CACNA1D: variants seen among roughly 807,000 people sequenced by gnomAD.
CACNA1D encodes the protein voltage-dependent L-type calcium channel subunit alpha-1D.
Under a neutral mutation model 257.1 loss-of-function variants are expected in CACNA1D, and 55 were observed. That is an observed-to-expected ratio of 0.21 (90% CI 0.17 to 0.27). The LOEUF is 0.27. CACNA1D is among the 10% of genes least tolerant of loss of function. The probability of loss-of-function intolerance (pLI) is 1.00; values close to 1 mark genes in which losing one functional copy is unlikely to be tolerated. For missense variants in CACNA1D, 1,876 were observed against 2,784.0 expected, an observed-to-expected ratio of 0.67 and a Z score of 7.34; for synonymous variants, 980 against 1,014.9, an observed-to-expected ratio of 0.97 and a Z score of 0.65.
rs779179510 is a variant in CACNA1D, at chr3:53,800,313, A to G, written c.4988A>G (p.Gln1663Arg). 1 of 1,614,092 alleles carries G rather than the reference A, an allele frequency of 6.2e-7. No individual in the cohort carries two copies. Among genetic ancestry groups the G allele is most frequent in the Non-Finnish European group, 8.5e-7 (1 of 1,179,902 alleles). Reference protein sequence around the residue: ...EIRRAISCDLQDDEPEETKRE... With the variant: ...EIRRAISCDLRDDEPEETKRE... ...CGGCGTGCTATATCGTGTGATTTGC[A>G]AGATGACGAGCCTGAGGAAACAAAA... Residue 1663 changes from glutamine to arginine, a missense_variant, in exon 41 of 48, where the codon CAA (glutamine) becomes CGA (arginine). This residue lies in a region of CACNA1D where 160 missense variants were observed against 236.6 expected (regional missense o/e 0.68). Coordinates refer to ENST00000350061, the MANE Select transcript of CACNA1D (RefSeq NM_001128840.3). The surrounding 1 kb of genome is among the most constrained non-coding windows in gnomAD (Gnocchi z 4.3).
At position 53,812,586 on chromosome 3, in the gene CACNA1D, C is replaced by G. The variant is rs546151451; in HGVS notation, c.*1180C>G. 2.0e-5 allele frequency: 2 copies of G among 101,372 alleles called. No individual in the cohort carries two copies. The highest frequency in any genetic ancestry group is 2.4e-4 in the Admixed American group (2 of 8,452). The allele number at this position is 101,372 out of a possible 1,614,324, so 6.3% of individuals were successfully genotyped here. A position where few individuals can be genotyped will look rare whatever the true frequency, so the allele number is the denominator to read the frequency against. On this transcript the variant is annotated 3_prime_UTR_variant, in exon 48 of 48. Transcript: ENST00000350061. ...TTTTGTTTGTTTGACTTGAACCACCCTCTGGTAAGTAAGTAAGTGAATTAC... is the reference window on the plus strand; with the variant it reads ...TTTTGTTTGTTTGACTTGAACCACCGTCTGGTAAGTAAGTAAGTGAATTAC...
chr3:53,782,566 A>C (rs888843002), intron 39 of CACNA1D: 1 of 152,106 alleles, frequency 6.6e-6, no homozygotes, highest in African/African-American at 2.4e-5. Flanking sequence ...CAGGACGGTG[A>C]CCGAGGCCCT....
At chr3:53,757,116 C>T (rs1256575731) in intron 29 of CACNA1D, among the ~76,000 whole-genome samples, 1 of 152,204 alleles carries the variant, frequency 6.6e-6, no homozygotes, top group Non-Finnish European at 1.5e-5. Flanking sequence ...CATCTGCCTT[C>T]AAGGGCTCTG....
In CACNA1D at chr3:53,799,000, G is replaced by A. The variant is rs191414953; in HGVS notation, c.4924-1249G>A. Among the ~76,000 whole-genome samples the A allele has an allele frequency of 1.9e-3, 290 of 152,300 alleles. 1 individual carries two copies. The highest frequency in any genetic ancestry group is 3.4e-3 in the Middle Eastern group (1 of 294). On this transcript the variant is annotated intron_variant, in intron 40 of 47. Transcript: ENST00000350061. ...AGGACAGGGAAGCGGTCTCCTCTCCGAGGACCCACCACTTAGTCCAGTTTT... is the reference window on the plus strand; with the variant it reads ...AGGACAGGGAAGCGGTCTCCTCTCCAAGGACCCACCACTTAGTCCAGTTTT...
At chr3:53,615,624 G>A (rs774162870) in intron 3 of CACNA1D, among the ~76,000 whole-genome samples, 56 of 152,322 alleles carry the variant, frequency 3.7e-4, no homozygotes, top group Non-Finnish European at 7.6e-4. Context: ...TCTGTGCATT[G>A]TTTATTAGCG....
chr3:53,505,597 C>T (rs1386695805), intron 3 of CACNA1D, among the ~76,000 whole-genome samples: 3 of 152,182 alleles, frequency 2.0e-5, no homozygotes, highest in Non-Finnish European at 2.9e-5. Context: ...TCCTCTGAGC[C>T]ATGTTTCAGA....
In CACNA1D at chr3:53,623,147, C is replaced by T. The variant is rs973309850; in HGVS notation, c.484-27632C>T. Among the ~76,000 whole-genome samples, 6 of 152,198 alleles carry T rather than the reference C, an allele frequency of 3.9e-5. No homozygotes were observed. In the East Asian group the frequency reaches 7.7e-4, roughly 20 times the overall value. Reference sequence around the variant, plus strand: ...TCGTGATCAGCCGGTCTTGGCCTTCCGAAGTGCTGGGATTACAGGCGTGAG... The same window carrying T: ...TCGTGATCAGCCGGTCTTGGCCTTCTGAAGTGCTGGGATTACAGGCGTGAG... On this transcript the variant is annotated intron_variant, in intron 3 of 47. Coordinates refer to ENST00000350061, the MANE Select transcript of CACNA1D (RefSeq NM_001128840.3).
intron 3 of CACNA1D, among the ~76,000 whole-genome samples, chr3:53,618,643 G>A (rs1261155969): frequency 6.6e-6 from 1 of 152,188 alleles, no homozygotes; most frequent in South Asian, 2.1e-4. Context: ...TCTAGGCATA[G>A]CACTGCACTT....
At chr3:53,656,771 G>A (rs1267850639) in intron 4 of CACNA1D, among the ~76,000 whole-genome samples, 1 of 152,100 alleles carries the variant, frequency 6.6e-6, no homozygotes, top group Non-Finnish European at 1.5e-5. Flanking sequence ...CTTCACAAAA[G>A]AAGATATGTG....
chr3:53,757,717 C>G (rs1196363014), intron 29 of CACNA1D, among the ~76,000 whole-genome samples: 1 of 152,164 alleles, frequency 6.6e-6, no homozygotes, highest in Non-Finnish European at 1.5e-5. Flanking sequence ...TTTCTTCGTC[C>G]CCACCCCATC....
intron 3 of CACNA1D, among the ~76,000 whole-genome samples, chr3:53,648,861 C>A (rs907030562): frequency 6.7e-6 from 1 of 150,056 alleles, no homozygotes; most frequent in South Asian, 2.1e-4. Flanking sequence ...CACACACACA[C>A]AATTCGTTCA....
At chr3:53,718,966 G>A (rs899086604) in intron 10 of CACNA1D, among the ~76,000 whole-genome samples, 3 of 151,112 alleles carry the variant, frequency 2.0e-5, no homozygotes, top group African/African-American at 7.3e-5. Flanking sequence ...ATGATGGAAG[G>A]CACCATTGCA....
chr3:53,524,318 C>T (rs560482438), intron 3 of CACNA1D, among the ~76,000 whole-genome samples: 10 of 152,286 alleles, frequency 6.6e-5, no homozygotes, highest in Admixed American at 1.3e-4. Context: ...GAAGGAATTC[C>T]GTGCCATAAA....
chr3:53,597,949 G>A (rs60910338), intron 3 of CACNA1D, among the ~76,000 whole-genome samples: 41 of 152,284 alleles, frequency 2.7e-4, no homozygotes, highest in African/African-American at 7.9e-4. Context: ...AATTACTTTT[G>A]CGCCTACCTG....
rs1265415947 is a variant in CACNA1D at position 53,793,665 on chromosome 3, TG to T, written c.4924-6580del. Among the ~76,000 whole-genome samples, 1 of 152,216 alleles carries T rather than the reference TG, an allele frequency of 6.6e-6. No individual in the cohort carries two copies. Among genetic ancestry groups the T allele is most frequent in the African/African-American group, 2.4e-5 (1 of 41,452 alleles). ...CTCCACTTGGGCCTGGCTGTGTTGCTGGGGAATGGCATTGGCTAAGGTTGGT... is the reference window on the plus strand; with the variant it reads ...CTCCACTTGGGCCTGGCTGTGTTGCTGGGAATGGCATTGGCTAAGGTTGGT... On this transcript the variant is annotated intron_variant, in intron 40 of 47. Transcript: ENST00000350061. This position sits in a 1 kb window ranked among gnomAD's most constrained non-coding sequence, Gnocchi z 4.1.
At chr3:53,661,012 C>T (rs911504997) in intron 5 of CACNA1D, among the ~76,000 whole-genome samples, 1 of 152,204 alleles carries the variant, frequency 6.6e-6, no homozygotes, top group Non-Finnish European at 1.5e-5. Flanking sequence ...TTAAATCATA[C>T]CTGAGTTGGA....
chr3:53,512,446 C>T (rs1033701659), intron 3 of CACNA1D, among the ~76,000 whole-genome samples: 4 of 152,070 alleles, frequency 2.6e-5, no homozygotes, highest in African/African-American at 9.7e-5. Context: ...TAGGTTAGAC[C>T]GCCTGGTTTT....
At chr3:53,575,342 T>C (rs943620936) in intron 3 of CACNA1D, among the ~76,000 whole-genome samples, 1 of 151,540 alleles carries the variant, frequency 6.6e-6, no homozygotes, top group Non-Finnish European at 1.5e-5. Flanking sequence ...CTGCCGTGCA[T>C]GGGCAGGAAG....
rs139609825 is a variant in CACNA1D, at chr3:53,780,867, G to A, written c.4691-699G>A. On this transcript the variant is annotated intron_variant, in intron 38 of 47. Coordinates refer to ENST00000350061, the MANE Select transcript of CACNA1D (RefSeq NM_001128840.3). ...CTCTCTGAGGCACTGGTGGAGGAGA[G>A]GGAAGAGGAGGCAGCAAGGGACTCA... Among the ~76,000 whole-genome samples the A allele has an allele frequency of 1.7e-3, 255 of 152,324 alleles. 1 individual carries two copies. Among genetic ancestry groups the A allele is most frequent in the African/African-American group, 5.9e-3 (246 of 41,568 alleles).
Sources: gnomAD v4.1 joint callset for allele counts (sites outside exome capture counted in the v4.1 genomes callset) on GRCh38, gnomAD v4.1.1 for gene constraint, gnomAD v4.1.1 regional missense constraint, Gnocchi (gnomAD v3.1) non-coding constraint, MANE v1.5 for transcripts, NCBI Gene and HGNC (gene_info 2026-07-23, HGNC 2026-07-21) for gene names.